The following DAB1 variants were observed in gnomAD, a reference collection of about 807,000 sequenced individuals.
DAB1 encodes the protein DAB adaptor protein 1, also known as disabled homolog 1.
In DAB1, 15 loss-of-function variants were observed where a neutral mutation model predicts 64.6. The ratio of observed to expected loss-of-function variants is 0.23; its 90% CI spans 0.16 to 0.36. The LOEUF is 0.36. Among genes scored for constraint, DAB1 ranks in the 10% least tolerant of loss-of-function variants. The pLI, the probability that DAB1 is intolerant of heterozygous loss-of-function variation, is 1.00. For synonymous variants in DAB1, 235 were observed against 251.9 expected, an observed-to-expected ratio of 0.93 and a Z score of 0.64; for missense variants, 596 against 706.7, an observed-to-expected ratio of 0.84 and a Z score of 1.78.
At chr1:57,204,044 C>G (rs1190903221) in intron 2 of DAB1, among the ~76,000 whole-genome samples, 1 of 152,034 alleles carries the variant, frequency 6.6e-6, no homozygotes, top group East Asian at 1.9e-4. Context: ...TGCCCACCAC[C>G]TCTCCTGGCT....
chr1:58,440,733 C>G (rs1365661076), intron 3 of DAB1, among the ~76,000 whole-genome samples: 1 of 152,216 alleles, frequency 6.6e-6, no homozygotes, highest in Admixed American at 6.5e-5. Flanking sequence ...GCCGTAACAA[C>G]TCTGTGATAT....
In DAB1 at chr1:58,064,596, G is replaced by T. The variant is rs1446815072; in HGVS notation, n.387+85915C>A. Among the ~76,000 whole-genome samples the T allele has an allele frequency of 2.0e-5, 3 of 152,172 alleles. No homozygotes were observed. The East Asian group carries it at 5.8e-4, about 29-fold the overall frequency. On this transcript the variant is annotated intron_variant and non_coding_transcript_variant, in intron 5 of 20. Coordinates refer to the DAB1 transcript ENST00000485760. ...TCCAGTCTACTCAGTGCGGTGCCTG[G>T]CACTGCAGGGGACTCCAAGGCTGAG...
At chr1:58,402,887 G>T (rs543704543) in intron 3 of DAB1, among the ~76,000 whole-genome samples, 4 of 152,314 alleles carry the variant, frequency 2.6e-5, no homozygotes, top group Middle Eastern at 3.4e-3. Flanking sequence ...GCCTTTGAAG[G>T]CTGTGCGACC....
At chr1:57,012,653 A>C (rs1392768091) in intron 12 of DAB1, among the ~76,000 whole-genome samples, 1 of 152,246 alleles carries the variant, frequency 6.6e-6, no homozygotes, top group Non-Finnish European at 1.5e-5. Flanking sequence ...TTGGAAAAAA[A>C]TTTGCAATGA....
At chr1:58,046,367 G>A (rs570635344) in intron 5 of DAB1, among the ~76,000 whole-genome samples, 44 of 152,170 alleles carry the variant, frequency 2.9e-4, no homozygotes, top group Middle Eastern at 3.4e-3. Context: ...TGTTTATATC[G>A]TCCAAATCAT....
chr1:58,034,042 T>A (rs982209031), intron 5 of DAB1, among the ~76,000 whole-genome samples: 2 of 152,188 alleles, frequency 1.3e-5, no homozygotes, highest in Admixed American at 1.3e-4. Flanking sequence ...CCCTTGATTG[T>A]AGTGACTTGC....
At chr1:58,124,622 T>A (rs997718649) in intron 5 of DAB1, among the ~76,000 whole-genome samples, 1 of 152,234 alleles carries the variant, frequency 6.6e-6, no homozygotes, top group Admixed American at 6.5e-5. Context: ...CTAGGATACA[T>A]GATTTCTCTT....
At chr1:57,982,521 G>T (rs1419967511) in intron 5 of DAB1, among the ~76,000 whole-genome samples, 1 of 152,160 alleles carries the variant, frequency 6.6e-6, no homozygotes, top group Admixed American at 6.5e-5. Context: ...CAGGATGAGA[G>T]CTCATCTATG....
chr1:57,184,743 C>A (rs1019143206), intron 2 of DAB1, among the ~76,000 whole-genome samples: 1 of 152,088 alleles, frequency 6.6e-6, no homozygotes. Flanking sequence ...GTGCCTGGCA[C>A]CACACAGCAA....
intron 5 of DAB1, among the ~76,000 whole-genome samples, chr1:58,059,411 G>A (rs1025896948): frequency 9.9e-5 from 15 of 152,242 alleles, no homozygotes; most frequent in African/African-American, 3.1e-4. Context: ...CAGGCAAAGT[G>A]TTTAAGACAG....
chr1:58,293,803 C>A (rs1339622020), intron 4 of DAB1, among the ~76,000 whole-genome samples: 1 of 152,178 alleles, frequency 6.6e-6, no homozygotes, highest in South Asian at 2.1e-4. Flanking sequence ...CTTAGAAAGA[C>A]CCAAGACAAA....
At chr1:57,149,081 T>C (rs1659418217) in intron 2 of DAB1, among the ~76,000 whole-genome samples, 2 of 152,234 alleles carry the variant, frequency 1.3e-5, no homozygotes, top group East Asian at 1.9e-4. Flanking sequence ...TAGACATTTA[T>C]ATAATTGTTA....
chr1:57,775,391 T>C (rs1649749653), intron 6 of DAB1, among the ~76,000 whole-genome samples: 1 of 151,662 alleles, frequency 6.6e-6, no homozygotes, highest in South Asian at 2.1e-4. Context: ...ATTTTTCTAA[T>C]ATAAGTATTT....
intron 2 of DAB1, among the ~76,000 whole-genome samples, chr1:57,181,407 A>G (rs1662921636): frequency 6.6e-6 from 1 of 152,190 alleles, no homozygotes; most frequent in South Asian, 2.1e-4. Context: ...AATCAATGAG[A>G]CTTCTGAGAA....
chr1:57,197,258 C>A (rs1352746132), intron 2 of DAB1, among the ~76,000 whole-genome samples: 5 of 151,542 alleles, frequency 3.3e-5, no homozygotes, highest in African/African-American at 1.2e-4. Context: ...GCACAAGAAT[C>A]GCTTGAACCC....
intron 5 of DAB1, chr1:58,049,352 G>A: frequency 1.6e-6 from 1 of 620,464 alleles, no homozygotes; most frequent in Non-Finnish European, 2.9e-6. Context: ...GGGCAGAAAG[G>A]AGCAAGCTGA....
chr1:57,233,255 C>CTTTTTTTTTTTTTTTTTTTTT (rs1186221366), intron 2 of DAB1, among the ~76,000 whole-genome samples: 1 of 60,804 alleles, frequency 1.6e-5, no homozygotes, highest in African/African-American at 6.4e-5. Flanking sequence ...TGCTCCGATT[C>CTTTTTTTTTTTTTTTTTTTTT]TTTTTTTTTT....
intron 1 of DAB1, among the ~76,000 whole-genome samples, chr1:57,344,147 A>G (rs1302514559): frequency 1.3e-5 from 2 of 152,244 alleles, no homozygotes; most frequent in African/African-American, 4.8e-5. Context: ...CCACATAACC[A>G]GTAAATGGCA....
chr1:57,200,082 A>G (rs920031588), intron 2 of DAB1, among the ~76,000 whole-genome samples: 2 of 152,186 alleles, frequency 1.3e-5, no homozygotes, highest in African/African-American at 4.8e-5. Flanking sequence ...AGATCATCAG[A>G]ATGAATTTAG....
Sources: gnomAD v4.1 joint callset for allele counts (sites outside exome capture counted in the v4.1 genomes callset) on GRCh38, gnomAD v4.1.1 for gene constraint, MANE v1.5 for transcripts, NCBI Gene and HGNC (gene_info 2026-07-23, HGNC 2026-07-21) for gene names.